The following IQCH variants were observed in gnomAD, a reference collection of about 807,000 sequenced individuals.
IQCH encodes IQ domain-containing protein H.
A neutral mutation model predicts 117.0 loss-of-function variants in IQCH; 98 were observed. The ratio of observed to expected loss-of-function variants is 0.84; its 90% confidence interval spans 0.71 to 0.99. IQCH has a LOEUF of 0.99. Ranked by LOEUF, IQCH falls within the 50% of genes least tolerant of loss-of-function variation. IQCH has a pLI of 0.00. For missense variants in IQCH, 1,102 were observed against 1,243.8 expected (o/e 0.89, Z 1.72); for synonymous variants, 412 against 448.2 (o/e 0.92, Z 1.02).
rs1048754344 is a variant in IQCH, at chr15:67,467,659, AAAG to A, written c.2676+2366_2676+2368del. ...CACATATGATCAGCGATTTTTTTAA[AAAG>A]AAGCATGTGCACATGCACACGCGGT... is the stretch of plus-strand genomic sequence containing the variant. On this transcript the variant is annotated intron_variant, in intron 17 of 20. Transcript: ENST00000335894. The surrounding 1 kb of genome is among the most constrained non-coding windows in gnomAD (Gnocchi z 5.7). Among the ~76,000 whole-genome samples the A allele has an allele frequency of 4.6e-5, 7 of 152,226 alleles. No homozygotes were observed. Among genetic ancestry groups the A allele is most frequent in the East Asian group, 1.9e-4 (1 of 5,198 alleles).
At chr15:67,421,614 T>A in intron 16 of IQCH, 37 bp downstream of exon 16, 1 of 1,606,738 alleles carries the variant, frequency 6.2e-7, no homozygotes, top group Non-Finnish European at 8.5e-7. Flanking sequence ...TGCTAAAATA[T>A]GTAATGACTC....
chr15:67,392,473 T>C (rs1370598777), intron 12 of IQCH, among the ~76,000 whole-genome samples: 16 of 152,028 alleles, frequency 1.1e-4, no homozygotes, highest in Non-Finnish European at 1.5e-5. Context: ...TCCTCAGAAG[T>C]ATGTTTTTTA....
chr15:67,433,996 T>C lies in IQCH; in HGVS notation c.2505+12419T>C, dbSNP rs1428340208. ...GTATTTTTATTTAAGGTGTACAACA[T>C]GATATTTCAATATAATATACCTTGT... is the stretch of plus-strand genomic sequence containing the variant. On this transcript the variant is annotated intron_variant, in intron 16 of 20. Coordinates refer to ENST00000335894, the MANE Select transcript of IQCH (RefSeq NM_001031715.3). The surrounding 1 kb of genome is among the most constrained non-coding windows in gnomAD (Gnocchi z 5.4). 1.3e-5 allele frequency among the ~76,000 whole-genome samples: 2 copies of C among 152,202 alleles called. No homozygotes were observed. The highest frequency in any genetic ancestry group is 2.9e-5 in the Non-Finnish European group (2 of 68,034).
chr15:67,296,923 A>G (rs1476415453), intron 4 of IQCH, among the ~76,000 whole-genome samples: 4 of 152,202 alleles, frequency 2.6e-5, no homozygotes, highest in Non-Finnish European at 4.4e-5. Flanking sequence ...TTGGCACAAA[A>G]TGGGACCTGA....
intron 18 of IQCH, among the ~76,000 whole-genome samples, chr15:67,486,184 C>T (rs2083474132): frequency 6.6e-6 from 1 of 151,718 alleles, no homozygotes; most frequent in Non-Finnish European, 1.5e-5. Context: ...GTGCGTGCCA[C>T]CATGCCTGGC....
chr15:67,442,821 TAGATAGA>T (rs1319541151), intron 16 of IQCH, among the ~76,000 whole-genome samples: 1 of 55,726 alleles, frequency 1.8e-5, no homozygotes, highest in Non-Finnish European at 3.8e-5. Context: ...AACTGTGAGA[TAGATAGA>T]TAGATAGATA....
chr15:67,355,948 A>G (rs1372796737), intron 6 of IQCH, among the ~76,000 whole-genome samples: 2 of 152,222 alleles, frequency 1.3e-5, no homozygotes, highest in Non-Finnish European at 2.9e-5. Flanking sequence ...TTTTACTAAA[A>G]TCCTTTAAAA....
intron 3 of IQCH, among the ~76,000 whole-genome samples, chr15:67,271,743 G>A (rs1965906077): frequency 6.6e-6 from 1 of 152,018 alleles, no homozygotes; most frequent in African/African-American, 2.4e-5. Context: ...ATAATTCTTT[G>A]TATTTCTGTG....
chr15:67,487,816 C>G (rs2083533070), intron 18 of IQCH, among the ~76,000 whole-genome samples: 1 of 152,144 alleles, frequency 6.6e-6, no homozygotes, highest in Non-Finnish European at 1.5e-5. Flanking sequence ...ACCAAAGCCC[C>G]AAAATATAGT....
rs374924398 is a variant in IQCH at position 67,393,774 on chromosome 15, CCT to C, written c.1633-1516_1633-1515del. On this transcript the variant is annotated intron_variant, in intron 12 of 20. Coordinates refer to ENST00000335894, the MANE Select transcript of IQCH (RefSeq NM_001031715.3). The surrounding 1 kb of genome is among the most constrained non-coding windows in gnomAD (Gnocchi z 5.5). ...AAGTGATCTGCCTGCCATGGCCTCC[CCT>C]AAAGTACTGGGATTACAGGTATGAG... Among the ~76,000 whole-genome samples the C allele has an allele frequency of 7.8e-4, 119 of 152,130 alleles. 6 individuals are homozygous for C. The highest frequency in any genetic ancestry group is 6.8e-3 in the Middle Eastern group (2 of 294).
In IQCH at chr15:67,472,540, C is replaced by A. The variant is rs896324706; in HGVS notation, c.2677-3156C>A. Among the ~76,000 whole-genome samples, 4 of 152,114 alleles carry A rather than the reference C, an allele frequency of 2.6e-5. No homozygotes were observed. Among genetic ancestry groups the A allele is most frequent in the African/African-American group, 9.7e-5 (4 of 41,404 alleles). On this transcript the variant is annotated intron_variant, in intron 17 of 20. Coordinates refer to ENST00000335894, the MANE Select transcript of IQCH (RefSeq NM_001031715.3). The surrounding 1 kb of genome is among the most constrained non-coding windows in gnomAD (Gnocchi z 4.3). Reference sequence around the variant, plus strand: ...CTGGGAAGTTACATTTATTGTAGATCCAAAATCCTTTCAAAGGAATGACAA... The same window carrying A: ...CTGGGAAGTTACATTTATTGTAGATACAAAATCCTTTCAAAGGAATGACAA...
chr15:67,362,149 C>CCA lies in IQCH; in HGVS notation c.753+2285_753+2286dup, dbSNP rs5813439. Among the ~76,000 whole-genome samples the CCA allele has an allele frequency of 3.5e-3, 527 of 150,180 alleles. 1 individual carries two copies. The highest frequency in any genetic ancestry group is 6.9e-3 in the African/African-American group (282 of 40,946). On this transcript the variant is annotated intron_variant, in intron 8 of 20. Coordinates refer to ENST00000335894, the MANE Select transcript of IQCH (RefSeq NM_001031715.3). ...TATATAACATACATATACGCACACA[C>CCA]CACACACACACACACACACACATAC...
intron 4 of IQCH, among the ~76,000 whole-genome samples, chr15:67,335,843 T>C (rs983413741): frequency 6.6e-6 from 1 of 152,192 alleles, no homozygotes; most frequent in Non-Finnish European, 1.5e-5. Context: ...TCAAAGTGTT[T>C]GATGTTCATG....
intron 10 of IQCH, chr15:67,373,800 T>G: frequency 3.0e-6 from 1 of 330,362 alleles, no homozygotes; most frequent in Non-Finnish European, 5.6e-6. Context: ...GTTACGCCAA[T>G]AAGCCAGGAT....
chr15:67,254,886 C>G lies in IQCH; in HGVS notation c.-11C>G. 1 of 1,613,456 alleles carries G rather than the reference C, an allele frequency of 6.2e-7. No homozygotes were observed. ...GCGCCTCCGCGGAGGTAGCCGTTCC[C>G]TGACCTAGCCATGGCACAGAACACT... On this transcript the variant is annotated 5_prime_UTR_variant, in exon 1 of 21. Coordinates refer to ENST00000335894, the MANE Select transcript of IQCH (RefSeq NM_001031715.3).
chr15:67,269,685 A>G (rs1353833832), intron 3 of IQCH, among the ~76,000 whole-genome samples: 1 of 95,978 alleles, frequency 1.0e-5, no homozygotes, highest in East Asian at 3.2e-4. Context: ...TACTCTCCAT[A>G]TTCATGAGAT....
At chr15:67,319,317 A>G (rs1249040767) in intron 4 of IQCH, among the ~76,000 whole-genome samples, 1 of 152,200 alleles carries the variant, frequency 6.6e-6, no homozygotes, top group African/African-American at 2.4e-5. Flanking sequence ...CCATGTTTAT[A>G]TTACGCTCCA....
intron 4 of IQCH, 74 bp from the exon 5 acceptor site, chr15:67,336,901 T>G (rs1454430292): frequency 2.1e-6 from 3 of 1,445,730 alleles, no homozygotes; most frequent in East Asian, 2.3e-5. Context: ...ATAACTTTAT[T>G]TATTGTTTAC....
chr15:67,325,153 A>G (rs1297671321), intron 4 of IQCH, among the ~76,000 whole-genome samples: 2 of 151,998 alleles, frequency 1.3e-5, no homozygotes, highest in Non-Finnish European at 2.9e-5. Context: ...ATTGCTCTTC[A>G]AGTTCCCTAC....
Sources: allele counts gnomAD v4.1 joint callset (sites outside exome capture counted in the v4.1 genomes callset), GRCh38; gene constraint gnomAD v4.1.1; non-coding constraint Gnocchi (gnomAD v3.1); transcripts MANE v1.5; gene names NCBI Gene and HGNC (gene_info 2026-07-23, HGNC 2026-07-21).